The following XPNPEP2 variants were observed in gnomAD, a reference collection of about 807,000 sequenced individuals.
XPNPEP2 encodes the protein X-prolyl aminopeptidase 2, also known as xaa-Pro aminopeptidase 2.
In XPNPEP2, 64 loss-of-function variants were observed where a neutral mutation model predicts 59.8. The ratio of observed to expected loss-of-function variants is 1.07; its 90% CI spans 0.87 to 1.32. The LOEUF (loss-of-function observed/expected upper bound fraction) is 1.32, where lower values mean the gene tolerates loss of function less well. Ranked by LOEUF, XPNPEP2 falls within the 40% of genes most tolerant of loss-of-function variation. The pLI, the probability that XPNPEP2 is intolerant of heterozygous loss-of-function variation, is 0.00. For synonymous variants in XPNPEP2, 235 were observed against 210.0 expected (o/e 1.12, Z -1.03); for missense variants, 575 against 546.8 (o/e 1.05, Z -0.51).
intron 17 of XPNPEP2, 151 bp from the exon 18 acceptor site, chrX:129,761,855 T>C: frequency 1.9e-6 from 1 of 539,533 alleles, no homozygotes; most frequent in Non-Finnish European, 3.2e-6. Flanking sequence ...CAATCTGGTG[T>C]GTGCCAGGCC....
chrX:129,766,520 T>C (rs1388516435), intron 19 of XPNPEP2, among the ~76,000 whole-genome samples: 1 of 110,973 alleles, frequency 9.0e-6, no homozygotes, highest in African/African-American at 3.3e-5. Flanking sequence ...CTCTTTTTTT[T>C]TTTTTAGAGA....
chrX:129,761,100 A>G, intron 16 of XPNPEP2, 72 bp from the exon 17 acceptor site: 1 of 1,055,058 alleles, frequency 9.5e-7, no homozygotes, highest in South Asian at 2.0e-5. Context: ...TCTGATAGTG[A>G]AGCAAGAAGG....
At chrX:129,748,214 T>C (rs1926336212) in intron 7 of XPNPEP2, among the ~76,000 whole-genome samples, 1 of 111,213 alleles carries the variant, frequency 9.0e-6, no homozygotes, top group Non-Finnish European at 1.9e-5. Flanking sequence ...GGGCCAGGAG[T>C]GGACAGAGGA....
Position 129,758,747 on chromosome X carries a change from G to T in XPNPEP2, c.1368-433G>T, listed in dbSNP as rs146793145. ...GGAGCAGCAAAAGTGTCCTATAAAT[G>T]GTCGACAACTATCTGAATATGAGAG... is the stretch of plus-strand genomic sequence containing the variant. On this transcript the variant is annotated intron_variant, in intron 14 of 20. Transcript: ENST00000371106. Among the ~76,000 whole-genome samples the T allele has an allele frequency of 1.2e-3, 129 of 111,954 alleles. 1 individual carries two copies. The highest frequency in any genetic ancestry group is 3.6e-3 in the African/African-American group (111 of 30,785).
chrX:129,757,023 T>TATATATATATATATAA, intron 14 of XPNPEP2, among the ~76,000 whole-genome samples: 1 of 77,724 alleles, frequency 1.3e-5, no homozygotes, highest in East Asian at 5.5e-4. Flanking sequence ...TATATATATA[T>TATATATATATATATAA]ACACACACAC....
At position 129,768,654 on chromosome X, in the gene XPNPEP2, GAACACA is replaced by G. The variant is rs1438436198; in HGVS notation, c.*170_*175del. On this transcript the variant is annotated 3_prime_UTR_variant, in exon 21 of 21. Coordinates refer to ENST00000371106, the MANE Select transcript of XPNPEP2 (RefSeq NM_003399.6). The stretch of plus-strand genomic sequence containing the variant: ...CTATGGAGAAGGTCCCAGGCCCCAG[GAACACA>G]GGGCTTCTTGGCCCCAGATGGCACC... The G allele has an allele frequency of 6.2e-5, 25 of 404,523 alleles. No individual in the cohort carries two copies. In the Admixed American group the frequency reaches 1.4e-3, roughly 22 times the overall value. The allele number at this position is 404,523 out of a possible 1,213,427, so 33.3% of individuals were successfully genotyped here.
Position 129,761,264 on chromosome X carries a change from T to C in XPNPEP2, c.1591T>C (p.Cys531Arg). Residue 531 changes from cysteine (C) to arginine (R), a missense_variant, in exon 17 of 21, where the codon TGT becomes CGT. By Grantham distance (180) the Cys-to-Arg change is radical. Transcript: ENST00000371106. ...GTGHGIGNFL[C>R]VHEWPVGFQS... ...AGGCCACGGCATTGGCAACTTCCTG[T>C]GTGTGCATGAGTGTAGGTGTCTCCT... 1.7e-6 allele frequency: 2 copies of C among 1,210,491 alleles called. No homozygotes were observed. Among genetic ancestry groups the C allele is most frequent in the Non-Finnish European group, 2.2e-6 (2 of 894,153 alleles).
chrX:129,756,342 TC>T, intron 13 of XPNPEP2, 141 bp from the exon 14 acceptor site: 2 of 555,938 alleles, frequency 3.6e-6, no homozygotes, highest in South Asian at 5.3e-5. Context: ...TGAGTTCTCT[TC>T]CAGGGCCCTT....
intron 8 of XPNPEP2, 112 bp downstream of exon 8, chrX:129,750,681 A>G (rs1926375748): frequency 1.6e-6 from 1 of 611,843 alleles, no homozygotes; most frequent in African/African-American, 2.3e-5. Context: ...TGTGCCCACC[A>G]ATTCTTGAGA....
At chrX:129,758,512 A>G (rs966858483) in intron 14 of XPNPEP2, among the ~76,000 whole-genome samples, 3 of 111,313 alleles carry the variant, frequency 2.7e-5, no homozygotes, top group African/African-American at 9.8e-5. Context: ...GGGAGTTGGG[A>G]GTCAGACCTT....
rs767354785 is a variant in XPNPEP2 at position 129,762,741 on chromosome X, G to A, written c.1711G>A (p.Val571Met). The change falls in exon 19 of 21, where the codon GTG becomes ATG. Residue 571 changes from valine to methionine, a missense_variant. Val to Met is a conservative substitution (Grantham distance 21). Transcript: ENST00000371106. ...AGAATTTGGGATCCGTCTCGAAGAT[G>A]TGGCTCTCGTGGTAGAAGCAAAGAC... ...DGEFGIRLED[V>M]ALVVEAKTKY... 1.3e-5 allele frequency: 16 copies of A among 1,210,506 alleles called. No individual in the cohort carries two copies. The East Asian group carries it at 4.4e-4, about 34-fold the overall frequency.
rs775492531 is a variant in XPNPEP2 at position 129,752,212 on chromosome X, C to T, written c.884C>T (p.Thr295Ile). Residue 295 changes from threonine (T) to isoleucine (I), a missense_variant, in exon 10 of 21, where the codon ACA becomes ATA. Transcript: ENST00000371106. ...ETLSYLNSSC[T>I]GPMCVQIEDY... ...TTGAGCTATCTGAACTCCAGTTGCACAGGCCCCATGTGTGTGCAAATCGAG... is the reference window on the plus strand; with the variant it reads ...TTGAGCTATCTGAACTCCAGTTGCATAGGCCCCATGTGTGTGCAAATCGAG... 8.3e-7 allele frequency: 1 copy of T among 1,211,966 alleles called. No individual in the cohort carries two copies. Among genetic ancestry groups the T allele is most frequent in the Admixed American group, 2.2e-5 (1 of 46,052 alleles).
At chrX:129,751,673 A>G in intron 8 of XPNPEP2, 72 bp from the exon 9 acceptor site, 2 of 904,700 alleles carry the variant, frequency 2.2e-6, no homozygotes, top group Non-Finnish European at 3.2e-6. Flanking sequence ...GAAGGAAAGG[A>G]AAAAAAGAGG....
chrX:129,746,576 C>T lies in XPNPEP2; in HGVS notation c.404-19C>T. 8.3e-7 allele frequency: 1 copy of T among 1,204,531 alleles called. No homozygotes were observed. The highest frequency in any genetic ancestry group is 1.1e-6 in the Non-Finnish European group (1 of 889,750). On this transcript the variant is annotated intron_variant, in intron 5 of 20. Coordinates refer to ENST00000371106, the MANE Select transcript of XPNPEP2 (RefSeq NM_003399.6). ...GGCCCTGAAGGTGACCTCTGCATTGCTTCCTATCTTTCTTTCAGTTGGCAC... is the reference window on the plus strand; with the variant it reads ...GGCCCTGAAGGTGACCTCTGCATTGTTTCCTATCTTTCTTTCAGTTGGCAC...
chrX:129,763,117 T>C (rs1446116512), intron 19 of XPNPEP2, among the ~76,000 whole-genome samples: 3 of 111,404 alleles, frequency 2.7e-5, no homozygotes, highest in Non-Finnish European at 5.7e-5. Flanking sequence ...GCCAACAAGA[T>C]AAAATACCTA....
intron 6 of XPNPEP2, chrX:129,746,981 C>A (rs780153509): frequency 3.1e-6 from 1 of 320,247 alleles, no homozygotes; most frequent in South Asian, 4.4e-5. Context: ...TGTGCTTGAA[C>A]CCAGAACCAT....
intron 14 of XPNPEP2, among the ~76,000 whole-genome samples, chrX:129,757,915 GAAAGAAAGAAAGA>G (rs1431842535): frequency 5.2e-5 from 5 of 95,724 alleles, no homozygotes; most frequent in African/African-American, 1.8e-4. Context: ...AAGAAAGAAA[GAAAGAAAGAAAGA>G]AAGAAAGAAA....
intron 14 of XPNPEP2, among the ~76,000 whole-genome samples, chrX:129,756,996 C>CTATA (rs61273791): frequency 0.011 from 793 of 70,365 alleles, 16 homozygotes; most frequent in East Asian, 0.046. Flanking sequence ...CCATGCCCAG[C>CTATA]TATATATATA....
chrX:129,760,617 G>A (rs1220262277), intron 16 of XPNPEP2, 36 bp downstream of exon 16: 2 of 1,188,049 alleles, frequency 1.7e-6, no homozygotes, highest in Admixed American at 4.4e-5. Context: ...ACAGCCTCAG[G>A]CCCTGATTTC....
Sources: allele counts gnomAD v4.1 joint callset (sites outside exome capture counted in the v4.1 genomes callset), GRCh38; gene constraint gnomAD v4.1.1; transcripts MANE v1.5; gene names NCBI Gene and HGNC (gene_info 2026-07-23, HGNC 2026-07-21).